The following DHRSX variants were observed in gnomAD, a reference collection of about 807,000 sequenced individuals.
The protein encoded by DHRSX is dehydrogenase/reductase X-linked.
DHRSX carries 31 observed loss-of-function variants against 34.0 expected under a neutral mutation model. The ratio of observed to expected loss-of-function variants is 0.91; its 90% CI spans 0.69 to 1.23. The LOEUF (loss-of-function observed/expected upper bound fraction) is 1.23. Ranked by LOEUF, DHRSX falls within the 50% of genes most tolerant of loss-of-function variation. The pLI, the probability that DHRSX is intolerant of heterozygous loss-of-function variation, is 0.00. For missense variants in DHRSX, 414 were observed against 428.1 expected (o/e 0.97, Z 0.29); for synonymous variants, 201 against 183.8 (o/e 1.09, Z -0.76).
At chrX:2,345,508 G>C (rs988122215) in intron 3 of DHRSX, among the ~76,000 whole-genome samples, 1 of 151,798 alleles carries the variant, frequency 6.6e-6, no homozygotes, top group South Asian at 2.1e-4. Context: ...TTAGCTGGGC[G>C]TGGTGGTGTG....
chrX:2,442,963 G>A (rs1003740910), intron 1 of DHRSX, among the ~76,000 whole-genome samples: 1 of 152,170 alleles, frequency 6.6e-6, no homozygotes, highest in Admixed American at 6.5e-5. Flanking sequence ...ACTTGTGTGT[G>A]TGTCAATCTA....
intron 3 of DHRSX, among the ~76,000 whole-genome samples, chrX:2,390,287 C>T (rs993722452): frequency 6.6e-5 from 10 of 151,500 alleles, no homozygotes; most frequent in Non-Finnish European, 1.0e-4. Context: ...GGATTATAGG[C>T]GCCCACCACC....
At chrX:2,470,768 T>G (rs1215486395) in intron 1 of DHRSX, among the ~76,000 whole-genome samples, 4 of 152,064 alleles carry the variant, frequency 2.6e-5, no homozygotes, top group Non-Finnish European at 5.9e-5. Context: ...GAATTCCAAG[T>G]TCTATCACAC....
intron 3 of DHRSX, among the ~76,000 whole-genome samples, chrX:2,358,039 A>C (rs895301835): frequency 6.6e-6 from 1 of 152,214 alleles, no homozygotes; most frequent in African/African-American, 2.4e-5. Context: ...AAGTGATAGC[A>C]TGTGGTGGAT....
chrX:2,226,786 T>G (rs1264222791), intron 6 of DHRSX, among the ~76,000 whole-genome samples: 1 of 149,856 alleles, frequency 6.7e-6, no homozygotes, highest in Non-Finnish European at 1.5e-5. Flanking sequence ...CAGAGCGAGA[T>G]GCCATCTCAA....
chrX:2,249,513 C>CTTTT lies in DHRSX; in HGVS notation c.597-6287_597-6284dup, dbSNP rs753035485. Among the ~76,000 whole-genome samples, 26 of 70,196 alleles carry CTTTT rather than the reference C, an allele frequency of 3.7e-4. 2 individuals carry two copies. Among genetic ancestry groups the CTTTT allele is most frequent in the African/African-American group, 5.7e-4 (12 of 21,068 alleles). 46.1% of individuals were successfully genotyped at this position (70,196 alleles called of 152,430 possible). A position where few individuals can be genotyped will look rare whatever the true frequency, so the allele number is the denominator to read the frequency against. Reference sequence around the variant, plus strand: ...CCACCACGCTCAGCCCTTTTTGTGCCTTTTTTTTTTTTTTTTTTTTTTTTT... The same window carrying CTTTT: ...CCACCACGCTCAGCCCTTTTTGTGCCTTTTTTTTTTTTTTTTTTTTTTTTTTTTT... On this transcript the variant is annotated intron_variant, in intron 5 of 6. Transcript: ENST00000334651.
chrX:2,257,679 G>A (rs916376862), intron 5 of DHRSX, among the ~76,000 whole-genome samples: 3 of 152,282 alleles, frequency 2.0e-5, no homozygotes, highest in East Asian at 3.9e-4. Context: ...AGGCTGGAGT[G>A]CAATGGTGCA....
chrX:2,252,814 G>C (rs1265137818), intron 5 of DHRSX, among the ~76,000 whole-genome samples: 1 of 152,176 alleles, frequency 6.6e-6, no homozygotes, highest in Non-Finnish European at 1.5e-5. Context: ...CCAGAAATGG[G>C]AAAGAATGAA....
chrX:2,445,053 A>C (rs2044112117), intron 1 of DHRSX, among the ~76,000 whole-genome samples: 1 of 152,032 alleles, frequency 6.6e-6, no homozygotes, highest in South Asian at 2.1e-4. Context: ...GCTACTCAGG[A>C]GGCTGAGGCG....
chrX:2,310,669 GAA>G (rs2042153343), intron 3 of DHRSX, among the ~76,000 whole-genome samples: 2 of 151,806 alleles, frequency 1.3e-5, no homozygotes, highest in South Asian at 4.1e-4. Context: ...GAATGGGAGA[GAA>G]AGAGAGAGAC....
At chrX:2,373,126 G>A (rs1447407030) in intron 3 of DHRSX, among the ~76,000 whole-genome samples, 4 of 152,186 alleles carry the variant, frequency 2.6e-5, no homozygotes, top group Admixed American at 1.3e-4. Flanking sequence ...AATGGCTCCT[G>A]TAGGGGAACT....
At chrX:2,484,606 G>T (rs941203488) in intron 1 of DHRSX, among the ~76,000 whole-genome samples, 1 of 152,038 alleles carries the variant, frequency 6.6e-6, no homozygotes, top group Non-Finnish European at 1.5e-5. Context: ...TGCTGCAGAC[G>T]GTCCTGTGAG....
rs183274714 is a variant in DHRSX at position 2,336,070 on chromosome X, T to C, written c.287-44467A>G. On this transcript the variant is annotated intron_variant, in intron 3 of 6. Transcript: ENST00000334651. Reference sequence around the variant, plus strand: ...TCTGGTACCAGGGAGTGCAGTGGCGTGATCTCGGCTCACTGCAACCTCCGC... The same window carrying C: ...TCTGGTACCAGGGAGTGCAGTGGCGCGATCTCGGCTCACTGCAACCTCCGC... Among the ~76,000 whole-genome samples, 501 of 151,838 alleles carry C rather than the reference T, an allele frequency of 3.3e-3. 21 individuals are homozygous for C. In the East Asian group the frequency reaches 0.076, roughly 23 times the overall value.
intron 5 of DHRSX, among the ~76,000 whole-genome samples, chrX:2,248,613 C>CAAAAAAAAAAA (rs1357827255): frequency 2.2e-3 from 39 of 17,520 alleles, no homozygotes; most frequent in African/African-American, 5.0e-3. Context: ...GACTCTGTCT[C>CAAAAAAAAAAA]AAAAAAAAAA....
intron 4 of DHRSX, among the ~76,000 whole-genome samples, chrX:2,274,669 G>C (rs1413312772): frequency 5.3e-5 from 8 of 150,198 alleles, no homozygotes; most frequent in Non-Finnish European, 1.2e-4. Context: ...GACCCCAAGT[G>C]ATCTGCCCGC....
At chrX:2,488,702 T>C (rs2045020316) in intron 1 of DHRSX, 1 of 1,613,744 alleles carries the variant, frequency 6.2e-7, no homozygotes, top group South Asian at 1.1e-5. Flanking sequence ...GGAGAACACC[T>C]GCTCCTGGTC....
intron 3 of DHRSX, among the ~76,000 whole-genome samples, chrX:2,321,583 C>CCT (rs370557844): frequency 6.6e-6 from 1 of 151,920 alleles, no homozygotes; most frequent in Non-Finnish European, 1.5e-5. Flanking sequence ...GCTCCACCCC[C>CCT]CTCTCTCTCT....
At chrX:2,350,395 C>T (rs1245510158) in intron 3 of DHRSX, among the ~76,000 whole-genome samples, 5 of 152,032 alleles carry the variant, frequency 3.3e-5, no homozygotes, top group African/African-American at 4.8e-5. Flanking sequence ...TGGAATACCA[C>T]GCAGCCTTAA....
intron 5 of DHRSX, among the ~76,000 whole-genome samples, chrX:2,260,261 T>C (rs1201576190): frequency 2.0e-5 from 3 of 151,470 alleles, no homozygotes; most frequent in African/African-American, 7.3e-5. Context: ...CCTGACTGGA[T>C]CATGGGGCAC....
Sources: allele counts gnomAD v4.1 joint callset (sites outside exome capture counted in the v4.1 genomes callset), GRCh38; gene constraint gnomAD v4.1.1; transcripts MANE v1.5; gene names NCBI Gene and HGNC (gene_info 2026-07-23, HGNC 2026-07-21).